The following SLC36A3 variants were observed in gnomAD, a reference collection of about 807,000 sequenced individuals.
SLC36A3 encodes the protein proton-coupled amino acid transporter 3.
A neutral mutation model predicts 44.3 loss-of-function variants in SLC36A3; 35 were observed. The ratio of observed to expected loss-of-function variants is 0.79; its 90% CI spans 0.60 to 1.05. The LOEUF (loss-of-function observed/expected upper bound fraction) is 1.05. Ranked by LOEUF, SLC36A3 falls within the 50% of genes least tolerant of loss-of-function variation. The pLI is 0.00. For missense variants in SLC36A3, 540 were observed against 578.7 expected (o/e 0.93, Z 0.69); for synonymous variants, 211 against 227.6 (o/e 0.93, Z 0.66).
rs59596499 is a variant in SLC36A3, at chr5:151,277,569, G to T, written c.1237C>A (p.Leu413Ile). 34,530 of 1,614,096 alleles carry T rather than the reference G, an allele frequency of 0.021. 2,931 individuals carry two copies. The African/African-American group carries it at 0.25, about 12-fold the overall frequency. The stretch of plus-strand genomic sequence containing the variant: ...GAGTAAAAGATGACGATCTCCAGGA[G>T]GGCTGGGATGATGAGAGCCAGGGCG... ...SSALALIIPA[L>I]LEIVIFYSED... Residue 413 changes from leucine to isoleucine, a missense_variant, in exon 10 of 10, where the codon CTC (leucine) becomes ATC (isoleucine). Transcript: ENST00000335230.
At chr5:151,278,881 G>C (rs1754204516) in intron 9 of SLC36A3, among the ~76,000 whole-genome samples, 1 of 152,210 alleles carries the variant, frequency 6.6e-6, no homozygotes, top group African/African-American at 2.4e-5. Flanking sequence ...ATACATGCAA[G>C]AAAAGCTATA....
chr5:151,281,572 G>A (rs1409935042), intron 8 of SLC36A3, among the ~76,000 whole-genome samples: 1 of 152,068 alleles, frequency 6.6e-6, no homozygotes, highest in Non-Finnish European at 1.5e-5. Flanking sequence ...AATCGCAGCA[G>A]TTTGAGAGGC....
intron 1 of SLC36A3, among the ~76,000 whole-genome samples, chr5:151,302,837 C>T (rs905396677): frequency 1.3e-5 from 2 of 151,598 alleles, no homozygotes; most frequent in Non-Finnish European, 2.9e-5. Context: ...CTTTTGTTTT[C>T]TGGATGGATG....
intron 1 of SLC36A3, among the ~76,000 whole-genome samples, chr5:151,301,942 T>C (rs1268841967): frequency 6.6e-6 from 1 of 152,234 alleles, no homozygotes; most frequent in African/African-American, 2.4e-5. Context: ...TAGAGGGGTA[T>C]TATTAATCAA....
At chr5:151,301,934 GA>G (rs1165701519) in intron 1 of SLC36A3, among the ~76,000 whole-genome samples, 1 of 152,154 alleles carries the variant, frequency 6.6e-6, no homozygotes, top group Non-Finnish European at 1.5e-5. Flanking sequence ...AAAATTCCTA[GA>G]GGGGTATTAT....
chr5:151,287,808 T>A (rs1490271624), intron 5 of SLC36A3, among the ~76,000 whole-genome samples: 2 of 152,202 alleles, frequency 1.3e-5, no homozygotes, highest in Non-Finnish European at 2.9e-5. Flanking sequence ...AGAAAGGGAA[T>A]TCATCACACA....
intron 9 of SLC36A3, among the ~76,000 whole-genome samples, chr5:151,279,729 T>G (rs1754238752): frequency 6.6e-6 from 1 of 152,218 alleles, no homozygotes; most frequent in African/African-American, 2.4e-5. Context: ...TTGCTGTTTC[T>G]GCTCATAGAA....
intron 1 of SLC36A3, among the ~76,000 whole-genome samples, chr5:151,299,297 G>T: frequency 8.8e-6 from 1 of 114,144 alleles, no homozygotes; most frequent in Non-Finnish European, 1.8e-5. Flanking sequence ...TATATGAAAT[G>T]AGCTGCATGT....
intron 6 of SLC36A3, 119 bp downstream of exon 6, chr5:151,287,127 G>A (rs1180176705): frequency 2.2e-6 from 2 of 918,116 alleles, no homozygotes; most frequent in East Asian, 2.6e-5. Flanking sequence ...GTTGGCAGGG[G>A]CTGCTCAGAG....
chr5:151,288,703 C>CAT (rs1754638477), intron 4 of SLC36A3, among the ~76,000 whole-genome samples: 3 of 151,094 alleles, frequency 2.0e-5, no homozygotes, highest in South Asian at 4.2e-4. Context: ...AATTGCATTA[C>CAT]ATATATATAT....
At chr5:151,290,798 G>A (rs1754730239) in intron 4 of SLC36A3, among the ~76,000 whole-genome samples, 1 of 152,076 alleles carries the variant, frequency 6.6e-6, no homozygotes. Context: ...AGGAGGCTGA[G>A]GCAGGAGAAT....
intron 6 of SLC36A3, 67 bp from the exon 7 acceptor site, chr5:151,284,778 G>T: frequency 7.8e-7 from 1 of 1,282,204 alleles, no homozygotes; most frequent in Non-Finnish European, 1.1e-6. Flanking sequence ...ATCTTTGCCT[G>T]GTAGAAAGCT....
At chr5:151,280,735 C>T (rs947237461) in intron 9 of SLC36A3, among the ~76,000 whole-genome samples, 6 of 152,266 alleles carry the variant, frequency 3.9e-5, no homozygotes, top group South Asian at 2.1e-4. Flanking sequence ...AATGTCAGTA[C>T]GGTGCCTGAC....
At chr5:151,288,553 T>C (rs1159907067) in intron 4 of SLC36A3, 83 bp from the exon 5 acceptor site, 3 of 1,065,164 alleles carry the variant, frequency 2.8e-6, no homozygotes, top group Non-Finnish European at 3.9e-6. Flanking sequence ...TTTGAAACAA[T>C]TATTTTTGTT....
chr5:151,299,398 A>AT lies in SLC36A3; in HGVS notation c.129-716dup, dbSNP rs1484262552. ...ATATATATATATATATATATATTATATATATATGAATTGCTATATATCGAC... is the reference window on the plus strand; with the variant it reads ...ATATATATATATATATATATATTATATTATATATGAATTGCTATATATCGAC... On this transcript the variant is annotated intron_variant, in intron 1 of 9. Transcript: ENST00000335230. 5.5e-5 allele frequency among the ~76,000 whole-genome samples: 8 copies of AT among 146,148 alleles called. No homozygotes were observed. The South Asian group carries it at 6.5e-4, about 12-fold the overall frequency.
rs533197449 is a variant in SLC36A3, at chr5:151,276,582, A to G, written c.*811T>C. 6.6e-6 allele frequency among the ~76,000 whole-genome samples: 1 copy of G among 152,246 alleles called. No homozygotes were observed. Among genetic ancestry groups the G allele is most frequent in the South Asian group, 2.1e-4 (1 of 4,824 alleles). ...TGAATATTTTTGTACAAGTCTTTTT[A>G]TGGATATATATTTCTTTTTTCTGGA... On this transcript the variant is annotated 3_prime_UTR_variant, in exon 10 of 10. Transcript: ENST00000335230.
chr5:151,279,744 T>C (rs1754239440), intron 9 of SLC36A3, among the ~76,000 whole-genome samples: 1 of 152,226 alleles, frequency 6.6e-6, no homozygotes, highest in Non-Finnish European at 1.5e-5. Context: ...ATAGAACGCC[T>C]GCCATTTAAA....
In SLC36A3 at chr5:151,293,466, G is replaced by A. The variant is rs1369573540; in HGVS notation, c.309-7C>T. The A allele has an allele frequency of 1.4e-5, 22 of 1,607,842 alleles. No homozygotes were observed. The highest frequency in any genetic ancestry group is 1.7e-5 in the Non-Finnish European group (20 of 1,176,522). ...CACAAAAGTCTTCTGCAGTCTAGGG[G>A]GAAAGAACAAACAATGCATAATTTA... On this transcript the variant is annotated splice_region_variant and splice_polypyrimidine_tract_variant and intron_variant, in intron 3 of 9. Transcript: ENST00000335230.
rs1314359039 is a variant in SLC36A3, at chr5:151,291,045, C to T, written c.404+2319G>A. 2.7e-5 allele frequency among the ~76,000 whole-genome samples: 4 copies of T among 150,638 alleles called. No homozygotes were observed. The South Asian group carries it at 8.4e-4, about 32-fold the overall frequency. On this transcript the variant is annotated intron_variant, in intron 4 of 9. Transcript: ENST00000335230. ...TTTCCCAGGCTAGAGTGTAGTGGTG[C>T]AGTCATGGCTCACTGCAGCCTCAAC... is the stretch of plus-strand genomic sequence containing the variant.
Sources: gnomAD v4.1 joint callset for allele counts (sites outside exome capture counted in the v4.1 genomes callset) on GRCh38, gnomAD v4.1.1 for gene constraint, MANE v1.5 for transcripts, NCBI Gene and HGNC (gene_info 2026-07-23, HGNC 2026-07-21) for gene names.